The following DLG3 variants were observed in gnomAD, a reference collection of about 807,000 sequenced individuals.
The protein encoded by DLG3 is discs large MAGUK scaffold protein 3, also known as disks large homolog 3.
In DLG3, 1 loss-of-function variant was observed where a neutral mutation model predicts 64.1. The ratio of observed to expected loss-of-function variants is 0.02; its 90% CI spans 0.01 to 0.07. The LOEUF (loss-of-function observed/expected upper bound fraction) is 0.07, where lower values mean the gene tolerates loss of function less well. Among genes scored for constraint, DLG3 ranks in the 10% least tolerant of loss-of-function variants. The pLI is 1.00. For synonymous variants in DLG3, 245 were observed against 259.8 expected (o/e 0.94, Z 0.55); for missense variants, 429 against 669.5 (o/e 0.64, Z 3.96).
intron 12 of DLG3, 79 bp from the exon 13 acceptor site, chrX:70,495,329 T>C: frequency 1.0e-6 from 1 of 959,560 alleles, no homozygotes; most frequent in Non-Finnish European, 1.5e-6. Context: ...CTCCCTCTCT[T>C]CCATTCCCTC....
At chrX:70,489,027 C>T (rs2087307528) in intron 10 of DLG3, among the ~76,000 whole-genome samples, 2 of 111,961 alleles carry the variant, frequency 1.8e-5, no homozygotes, top group Non-Finnish European at 3.8e-5. Flanking sequence ...CCTTGTTTGC[C>T]AGGGAACTTA....
chrX:70,452,612 G>C lies in DLG3; in HGVS notation c.1145+586G>C, dbSNP rs12850410. ...GAAGGGTAGGCAGCCAGGGGAGAGAGAGAGGAGCTATGGAGAGGGCCCGCA... is the reference window on the plus strand; with the variant it reads ...GAAGGGTAGGCAGCCAGGGGAGAGACAGAGGAGCTATGGAGAGGGCCCGCA... On this transcript the variant is annotated intron_variant, in intron 7 of 18. Transcript: ENST00000374360. 263,526 of 1,179,034 alleles carry C rather than the reference G, an allele frequency of 0.22. 22,594 individuals are homozygous for C. Among genetic ancestry groups the C allele is most frequent in the Admixed American group, 0.46 (18,784 of 41,003 alleles).
At chrX:70,498,613 G>T (rs1271614126) in intron 14 of DLG3, 43 bp downstream of exon 14, 3 of 1,144,893 alleles carry the variant, frequency 2.6e-6, no homozygotes, top group Non-Finnish European at 3.6e-6. Flanking sequence ...TGGTCTCCTG[G>T]TCGTGGGGCT....
chrX:70,502,112 G>A (rs1478576004), intron 18 of DLG3, 51 bp from the exon 19 acceptor site: 4 of 963,919 alleles, frequency 4.1e-6, no homozygotes, highest in Admixed American at 2.3e-5. Flanking sequence ...GCTGGGTTTG[G>A]GGGATGTGCT....
At chrX:70,480,198 C>G (rs766572969) in intron 10 of DLG3, among the ~76,000 whole-genome samples, 132 of 112,230 alleles carry the variant, frequency 1.2e-3, no homozygotes, top group African/African-American at 3.9e-3. Flanking sequence ...AACTCTTGGG[C>G]TGAACTTTTT....
chrX:70,486,652 T>TA (rs2147860154), intron 10 of DLG3, among the ~76,000 whole-genome samples: 1 of 92,816 alleles, frequency 1.1e-5, no homozygotes, highest in South Asian at 5.2e-4. Context: ...ACCTTTTGCT[T>TA]TTTTTTTTTT....
intron 13 of DLG3, chrX:70,497,087 A>T: frequency 1.1e-6 from 1 of 921,590 alleles, no homozygotes; most frequent in Non-Finnish European, 1.6e-6. Context: ...TTGGCAGCTC[A>T]GTGTCTCGCT....
chrX:70,496,680 A>G (rs1268070772), intron 13 of DLG3, among the ~76,000 whole-genome samples: 1 of 112,522 alleles, frequency 8.9e-6, no homozygotes, highest in Non-Finnish European at 1.9e-5. Context: ...CCGAATGGTC[A>G]GAGCAGCGCT....
intron 10 of DLG3, among the ~76,000 whole-genome samples, chrX:70,486,833 AGAG>A (rs776276125): frequency 1.7e-3 from 184 of 110,562 alleles, no homozygotes; most frequent in South Asian, 0.011. Flanking sequence ...AAAAGGAGGA[AGAG>A]GAGAATATAT....
rs935003430 is a variant in DLG3, at chrX:70,505,441, A to C, written c.*3172A>C. 1 of 112,407 alleles carries C rather than the reference A, an allele frequency of 8.9e-6. No individual in the cohort carries two copies. Among genetic ancestry groups the C allele is most frequent in the African/African-American group, 3.2e-5 (1 of 30,913 alleles). The allele number at this position is 112,407 out of a possible 1,213,427, so 9.3% of individuals were successfully genotyped here. ...CTAACAGAGGAAGAACTGTATTATC[A>C]AACCTTATGGTCTACCCATGAATAA... is the stretch of plus-strand genomic sequence containing the variant. On this transcript the variant is annotated 3_prime_UTR_variant, in exon 19 of 19. Coordinates refer to ENST00000374360, the MANE Select transcript of DLG3 (RefSeq NM_021120.4).
intron 9 of DLG3, among the ~76,000 whole-genome samples, chrX:70,465,931 T>C (rs945736309): frequency 8.9e-6 from 1 of 112,069 alleles, no homozygotes; most frequent in African/African-American, 3.2e-5. Flanking sequence ...CAAAACATTC[T>C]GATTGATACC....
intron 10 of DLG3, among the ~76,000 whole-genome samples, chrX:70,488,373 G>A (rs111499414): frequency 0.043 from 4,856 of 111,804 alleles, 108 homozygotes; most frequent in Middle Eastern, 0.083. Flanking sequence ...AATTTTCTGA[G>A]ATAGAAGAGC....
At chrX:70,494,537 C>A (rs971930715) in intron 12 of DLG3, among the ~76,000 whole-genome samples, 1 of 112,038 alleles carries the variant, frequency 8.9e-6, no homozygotes, top group Non-Finnish European at 1.9e-5. Context: ...ATGGCAGCCA[C>A]GGCTCATCAT....
chrX:70,453,321 G>C (rs2086646623), intron 7 of DLG3: 3 of 260,564 alleles, frequency 1.2e-5, no homozygotes, highest in Admixed American at 1.2e-4. Context: ...GAAGGAAGAG[G>C]ACCAGTGAGT....
At chrX:70,463,028 T>C (rs1420161884) in intron 9 of DLG3, among the ~76,000 whole-genome samples, 1 of 112,293 alleles carries the variant, frequency 8.9e-6, no homozygotes, top group Non-Finnish European at 1.9e-5. Flanking sequence ...TTCTCGTCTT[T>C]GTTAGATGGT....
chrX:70,462,638 A>T (rs1228562093), intron 9 of DLG3, among the ~76,000 whole-genome samples: 1 of 111,852 alleles, frequency 8.9e-6, no homozygotes, highest in Non-Finnish European at 1.9e-5. Context: ...GAGTTGATGG[A>T]CATTTGGGTT....
At position 70,449,022 on chromosome X, in the gene DLG3, G is replaced by C. The variant is rs148291776; in HGVS notation, c.408+59G>C. 1.1e-3 allele frequency: 1,276 copies of C among 1,141,147 alleles called. 9 individuals are homozygous for C. In the African/African-American group the frequency reaches 0.02, roughly 18 times the overall value. The allele number at this position is 1,141,147 out of a possible 1,213,427, so 94.0% of individuals were successfully genotyped here. A position where few individuals can be genotyped will look rare whatever the true frequency, so the allele number is the denominator to read the frequency against. On this transcript the variant is annotated intron_variant, in intron 2 of 18. Transcript: ENST00000374360. ...AGGAGAGGGTTGGAGCCAGGATAAGGGAGACCCCTGAATCATGGTTTCAAG... is the reference window on the plus strand; with the variant it reads ...AGGAGAGGGTTGGAGCCAGGATAAGCGAGACCCCTGAATCATGGTTTCAAG...
chrX:70,499,413 G>C, intron 15 of DLG3, 136 bp downstream of exon 15: 1 of 528,229 alleles, frequency 1.9e-6, no homozygotes, highest in Non-Finnish European at 3.3e-6. Context: ...CTGGAAAACA[G>C]TAGGTGGCAA....
Position 70,449,759 on chromosome X carries a change from G to A in DLG3, c.603G>A (p.Glu201=), listed in dbSNP as rs778285381. Residue 201 remains glutamate (E), a synonymous_variant, in exon 4 of 19, where the codon GAG becomes GAA. Transcript: ENST00000374360. ...AGGTGGTACACAGCCGGGCGGTGGA[G>A]GCGCTGAAGGAGGCAGGCCCTGTGG... is the stretch of plus-strand genomic sequence containing the variant. The part of the protein sequence containing the change: ...VSEVVHSRAV[E]ALKEAGPVVR... 22 of 1,208,493 alleles carry A rather than the reference G, an allele frequency of 1.8e-5. No individual in the cohort carries two copies. The highest frequency in any genetic ancestry group is 1.1e-4 in the South Asian group (6 of 56,175).
Sources: allele counts gnomAD v4.1 joint callset (sites outside exome capture counted in the v4.1 genomes callset), GRCh38; gene constraint gnomAD v4.1.1; transcripts MANE v1.5; gene names NCBI Gene and HGNC (gene_info 2026-07-23, HGNC 2026-07-21).